The following ZC3H11A variants were observed in gnomAD, a reference collection of about 807,000 sequenced individuals.
The protein encoded by ZC3H11A is zinc finger CCCH-type containing 11A, also known as zinc finger CCCH domain-containing protein 11A.
In ZC3H11A, 22 loss-of-function variants were observed where a neutral mutation model predicts 90.8. The observed-to-expected ratio is 0.24, with a 90% CI of 0.17 to 0.35. The LOEUF (loss-of-function observed/expected upper bound fraction) is 0.35, where lower values mean the gene tolerates loss of function less well. ZC3H11A is among the 10% of genes least tolerant of loss of function. The pLI is 1.00. For synonymous variants in ZC3H11A, 294 were observed against 339.8 expected (o/e 0.87, Z 1.48); for missense variants, 701 against 964.9 (o/e 0.73, Z 3.62).
At position 203,802,045 on chromosome 1, in the gene ZC3H11A, A is replaced by C. The variant is rs1670680577; in HGVS notation, c.-1117A>C. The C allele has an allele frequency of 6.6e-6, 1 of 152,592 alleles. No individual in the cohort carries two copies. Among genetic ancestry groups the C allele is most frequent in the South Asian group, 2.1e-4 (1 of 4,832 alleles). The allele number at this position is 152,592 out of a possible 1,614,324, so 9.5% of individuals were successfully genotyped here. A position where few individuals can be genotyped will look rare whatever the true frequency, so the allele number is the denominator to read the frequency against. On this transcript the variant is annotated 5_prime_UTR_variant, in exon 2 of 18. Transcript: ENST00000367210. ...TGGTGTTGATACAAAATAAGAAATA[A>C]ATTTTCCCTTAGATAAAGCTTTCTG... is the stretch of plus-strand genomic sequence containing the variant.
At chr1:203,806,145 C>T in intron 2 of ZC3H11A, 1 of 504,046 alleles carries the variant, frequency 2.0e-6, no homozygotes, top group East Asian at 5.4e-5. Context: ...ACTTCACTAG[C>T]TCAGCATCCA....
At chr1:203,847,839 T>C in intron 13 of ZC3H11A, 152 bp downstream of exon 13, 1 of 1,135,246 alleles carries the variant, frequency 8.8e-7, no homozygotes. Flanking sequence ...AGTAGTGCTA[T>C]GTAGACCTAT....
At chr1:203,816,313 C>G (rs781506828) in intron 2 of ZC3H11A, among the ~76,000 whole-genome samples, 1 of 152,054 alleles carries the variant, frequency 6.6e-6, no homozygotes, top group Non-Finnish European at 1.5e-5. Context: ...TATATACATA[C>G]ATATATACAT....
At chr1:203,815,379 CTTT>C (rs397711285) in intron 2 of ZC3H11A, among the ~76,000 whole-genome samples, 204 of 96,916 alleles carry the variant, frequency 2.1e-3, no homozygotes, top group African/African-American at 6.8e-3. Context: ...CCACACCCAG[CTTT>C]TTTTTTTTTT....
chr1:203,850,441 A>G, intron 15 of ZC3H11A, 74 bp from the exon 16 acceptor site: 1 of 1,576,394 alleles, frequency 6.3e-7, no homozygotes. Context: ...GAGTTTTGAT[A>G]TTTTATTCTG....
intron 4 of ZC3H11A, among the ~76,000 whole-genome samples, chr1:203,821,609 C>G (rs2102876201): frequency 6.6e-6 from 1 of 152,194 alleles, no homozygotes; most frequent in African/African-American, 2.4e-5. Context: ...CCAAGGTGCC[C>G]TGGTTTCTTT....
chr1:203,851,989 AAAAAAAG>A, intron 17 of ZC3H11A, 145 bp from the exon 18 acceptor site: 4 of 763,424 alleles, frequency 5.2e-6, no homozygotes, highest in South Asian at 4.2e-5. Context: ...AAAAAAAAAA[AAAAAAAG>A]CTTGATCCCA....
At position 203,847,453 on chromosome 1, in the gene ZC3H11A, A is replaced by G. The variant is rs748533596; in HGVS notation, c.1312A>G (p.Ser438Gly). The change falls in exon 13 of 18, where the codon AGT becomes GGT. Residue 438 changes from serine to glycine, a missense_variant. Ser to Gly is a moderately conservative substitution (Grantham distance 56). Coordinates refer to ENST00000367210, the MANE Select transcript of ZC3H11A (RefSeq NM_001376342.1). ...DTTCIKLKID[S>G]EIKKTVVLPP... is the part of the protein sequence containing the mutation. The stretch of plus-strand genomic sequence containing the variant: ...AACTTGCATCAAGCTAAAGATTGAT[A>G]GTGAAATTAAAAAAACAGTAGTTTT... The G allele has an allele frequency of 4.3e-6, 7 of 1,613,890 alleles. No homozygotes were observed. The highest frequency in any genetic ancestry group is 5.9e-6 in the Non-Finnish European group (7 of 1,179,884).
intron 4 of ZC3H11A, 71 bp from the exon 5 acceptor site, chr1:203,828,228 G>A: frequency 2.5e-6 from 4 of 1,584,926 alleles, no homozygotes. Flanking sequence ...ACTTTGTCTA[G>A]AAAACAAACT....
At chr1:203,828,207 A>C in intron 4 of ZC3H11A, 92 bp from the exon 5 acceptor site, 1 of 1,484,118 alleles carries the variant, frequency 6.7e-7, no homozygotes, top group South Asian at 1.2e-5. Context: ...GGATTTTTGA[A>C]CCCTGTATGA....
At chr1:203,810,450 C>T (rs185287588) in intron 2 of ZC3H11A, among the ~76,000 whole-genome samples, 323 of 144,162 alleles carry the variant, frequency 2.2e-3, no homozygotes, top group African/African-American at 8.4e-3. Flanking sequence ...GACAGAGTCT[C>T]ACTCTGTCGC....
At chr1:203,842,604 AG>A (rs1424186289) in intron 12 of ZC3H11A, among the ~76,000 whole-genome samples, 1 of 57,608 alleles carries the variant, frequency 1.7e-5, no homozygotes, top group Non-Finnish European at 3.3e-5. Context: ...GACCGGGGAG[AG>A]GGGGAGGGGG....
intron 2 of ZC3H11A, among the ~76,000 whole-genome samples, chr1:203,811,652 T>C (rs950695675): frequency 6.6e-6 from 1 of 151,950 alleles, no homozygotes; most frequent in Non-Finnish European, 1.5e-5. Flanking sequence ...GAGACTACAG[T>C]TGTGGGCTAC....
intron 17 of ZC3H11A, 101 bp from the exon 18 acceptor site, chr1:203,852,040 C>A: frequency 8.5e-6 from 8 of 942,264 alleles, no homozygotes; most frequent in Admixed American, 3.0e-5. Flanking sequence ...TATGTATGTT[C>A]TTAAAAACAA....
chr1:203,809,172 G>GTTTTTTTTT (rs33926996), intron 2 of ZC3H11A, among the ~76,000 whole-genome samples: 4 of 83,268 alleles, frequency 4.8e-5, no homozygotes, highest in Non-Finnish European at 6.3e-5. Context: ...TCTTCTCACT[G>GTTTTTTTTT]TTTTTTTTTT....
At chr1:203,832,399 C>T (rs1352993494) in intron 9 of ZC3H11A, among the ~76,000 whole-genome samples, 3 of 151,166 alleles carry the variant, frequency 2.0e-5, no homozygotes, top group Non-Finnish European at 2.9e-5. Context: ...CTTGCTCTGT[C>T]GCCCAGGCTA....
Position 203,847,631 on chromosome 1 carries a change from C to G in ZC3H11A, c.1490C>G (p.Ser497Cys), listed in dbSNP as rs1688232208. 6.2e-7 allele frequency: 1 copy of G among 1,613,186 alleles called. No individual in the cohort carries two copies. Among genetic ancestry groups the G allele is most frequent in the East Asian group, 2.2e-5 (1 of 44,886 alleles). The change falls in exon 13 of 18, where the codon TCT becomes TGT. Residue 497 changes from serine (S) to cysteine (C), a missense_variant. Physicochemically the swap from Ser to Cys is moderately radical, Grantham distance 112. This residue lies in a region of ZC3H11A where 530 missense variants were observed against 696.2 expected (regional missense o/e 0.76). Coordinates refer to ENST00000367210, the MANE Select transcript of ZC3H11A (RefSeq NM_001376342.1). Reference sequence around the variant, plus strand: ...TCTGAGAGCAGCACCAGCTCCCCGTCTCAACACGAGGCCACTCCAGGGGCA... The same window carrying G: ...TCTGAGAGCAGCACCAGCTCCCCGTGTCAACACGAGGCCACTCCAGGGGCA... ...QSSESSTSSPSQHEATPGARR... is the reference protein window; with the variant it reads ...QSSESSTSSPCQHEATPGARR...
intron 5 of ZC3H11A, among the ~76,000 whole-genome samples, chr1:203,828,729 C>G (rs1226446848): frequency 1.3e-5 from 2 of 152,156 alleles, no homozygotes; most frequent in African/African-American, 4.8e-5. Context: ...AACTGGTCCT[C>G]TGCCTGTTTT....
At chr1:203,838,727 G>C (rs370204319) in intron 11 of ZC3H11A, among the ~76,000 whole-genome samples, 14 of 152,134 alleles carry the variant, frequency 9.2e-5, no homozygotes, top group Admixed American at 3.3e-4. Context: ...GAGGTGGGTG[G>C]ATCACCTGAG....
Sources: gnomAD v4.1 joint callset for allele counts (sites outside exome capture counted in the v4.1 genomes callset) on GRCh38, gnomAD v4.1.1 for gene constraint, gnomAD v4.1.1 regional missense constraint, MANE v1.5 for transcripts, NCBI Gene and HGNC (gene_info 2026-07-23, HGNC 2026-07-21) for gene names.